ITGA11: variants seen among roughly 807,000 people sequenced by gnomAD.
ITGA11 encodes integrin alpha-11.
ITGA11 carries 97 observed loss-of-function variants against 141.9 expected under a neutral mutation model. The ratio of observed to expected loss-of-function variants is 0.68; its 90% CI spans 0.58 to 0.81. The LOEUF (loss-of-function observed/expected upper bound fraction) is 0.81. Among genes scored for constraint, ITGA11 ranks in the 30% least tolerant of loss-of-function variants. ITGA11 has a pLI of 0.00. For missense variants in ITGA11, 1,387 were observed against 1,559.2 expected (o/e 0.89, Z 1.86); for synonymous variants, 658 against 624.6 (o/e 1.05, Z -0.80).
intron 11 of ITGA11, 39 bp downstream of exon 11, chr15:68,339,461 C>G (rs971591337): frequency 1.3e-5 from 21 of 1,585,112 alleles, no homozygotes; most frequent in Non-Finnish European, 1.8e-5. Context: ...GCCCTCCCGG[C>G]CCACGACCCG....
chr15:68,353,307 T>A (rs566932868), intron 7 of ITGA11, among the ~76,000 whole-genome samples: 6 of 152,292 alleles, frequency 3.9e-5, no homozygotes, highest in Admixed American at 6.5e-5. Context: ...AAAAACCCAC[T>A]AATTTTAGTA....
intron 1 of ITGA11, among the ~76,000 whole-genome samples, chr15:68,408,891 T>C (rs555724505): frequency 6.6e-6 from 1 of 152,270 alleles, no homozygotes; most frequent in East Asian, 1.9e-4. Context: ...CTAGCACTCA[T>C]TCATAAGTGG....
intron 5 of ITGA11, among the ~76,000 whole-genome samples, chr15:68,359,563 T>C (rs1028123577): frequency 6.6e-6 from 1 of 152,150 alleles, no homozygotes; most frequent in African/African-American, 2.4e-5. Context: ...TGAGAATTGC[T>C]TGAACCCAGG....
Position 68,306,813 on chromosome 15 carries a change from C to G in ITGA11, c.3381+535G>C, listed in dbSNP as rs144582314. Among the ~76,000 whole-genome samples, 80 of 152,382 alleles carry G rather than the reference C, an allele frequency of 5.2e-4. 1 individual carries two copies. In the East Asian group the frequency reaches 0.013, roughly 25 times the overall value. ...TAGGAATGTTTGCCTGGAGCCCAAGCTGGCATTTCTGGGGTGTGGCCAGTG... is the reference window on the plus strand; with the variant it reads ...TAGGAATGTTTGCCTGGAGCCCAAGGTGGCATTTCTGGGGTGTGGCCAGTG... On this transcript the variant is annotated intron_variant, in intron 28 of 29. Coordinates refer to ENST00000315757, the MANE Select transcript of ITGA11 (RefSeq NM_001004439.2).
chr15:68,379,220 T>C (rs1336498659), intron 2 of ITGA11, among the ~76,000 whole-genome samples: 1 of 152,196 alleles, frequency 6.6e-6, no homozygotes, highest in East Asian at 1.9e-4. Context: ...CATCCCAAAC[T>C]CTCAGTCTAT....
At chr15:68,339,458 C>T (rs200973676) in intron 11 of ITGA11, 42 bp downstream of exon 11, 70 of 1,579,658 alleles carry the variant, frequency 4.4e-5, no homozygotes, top group South Asian at 3.3e-4. Flanking sequence ...GGTGCCCTCC[C>T]GGCCCACGAC....
At chr15:68,379,887 G>T (rs1332566451) in intron 2 of ITGA11, among the ~76,000 whole-genome samples, 1 of 152,196 alleles carries the variant, frequency 6.6e-6, no homozygotes, top group East Asian at 1.9e-4. Context: ...AGGTCTGACA[G>T]CTTCTCAGCC....
intron 4 of ITGA11, among the ~76,000 whole-genome samples, chr15:68,363,401 A>G (rs911537949): frequency 4.6e-5 from 7 of 152,198 alleles, no homozygotes; most frequent in African/African-American, 1.7e-4. Flanking sequence ...GGATAGGGCC[A>G]GGGGTCCTGC....
At chr15:68,425,120 G>C (rs1240460577) in intron 1 of ITGA11, among the ~76,000 whole-genome samples, 1 of 152,206 alleles carries the variant, frequency 6.6e-6, no homozygotes, top group Non-Finnish European at 1.5e-5. Context: ...CTGGTGAAAT[G>C]GACAGGCCAC....
At chr15:68,410,463 A>C (rs887077394) in intron 1 of ITGA11, among the ~76,000 whole-genome samples, 1 of 152,188 alleles carries the variant, frequency 6.6e-6, no homozygotes, top group Non-Finnish European at 1.5e-5. Context: ...GGAGAGGAGG[A>C]GGGAGAAAAG....
intron 15 of ITGA11, 27 bp downstream of exon 15, chr15:68,330,953 AG>A (rs765792703): frequency 1.9e-6 from 3 of 1,613,322 alleles, no homozygotes; most frequent in Non-Finnish European, 2.5e-6. Context: ...AGGAGAGCCC[AG>A]GAGGTGGGAA....
intron 1 of ITGA11, among the ~76,000 whole-genome samples, chr15:68,409,151 C>T (rs552085673): frequency 9.2e-5 from 14 of 152,120 alleles, no homozygotes; most frequent in Non-Finnish European, 1.8e-4. Context: ...GCCTTTCTTC[C>T]CTTCGTCCTA....
chr15:68,321,530 C>T lies in ITGA11; in HGVS notation c.2323-27G>A. The T allele has an allele frequency of 1.9e-6, 3 of 1,546,194 alleles. No individual in the cohort carries two copies. The South Asian group carries it at 3.5e-5, about 18-fold the overall frequency. On this transcript the variant is annotated intron_variant, in intron 18 of 29. Transcript: ENST00000315757. The surrounding 1 kb of genome is among the most constrained non-coding windows in gnomAD (Gnocchi z 4.9). The stretch of plus-strand genomic sequence containing the variant: ...TGGGCCAGGGAGAGCCAGGTGTGGG[C>T]AGCTGGGTAGGGACCCGCAGCCCCT...
At chr15:68,331,741 C>T (rs181124555) in intron 14 of ITGA11, 118 bp downstream of exon 14, 228 of 880,116 alleles carry the variant, frequency 2.6e-4, no homozygotes, top group Non-Finnish European at 3.3e-4. Flanking sequence ...GATTGGCATC[C>T]GTTTCTGTGA....
chr15:68,352,770 G>T (rs144807452), intron 7 of ITGA11, among the ~76,000 whole-genome samples: 24 of 152,216 alleles, frequency 1.6e-4, no homozygotes, highest in African/African-American at 5.5e-4. Context: ...CACCTATCAG[G>T]CAATCCAGCC....
chr15:68,428,921 C>T lies in ITGA11; in HGVS notation c.52+3094G>A, dbSNP rs145718877. Reference sequence around the variant, plus strand: ...ATCAAGAGTTTGGGCCAGGGCTTTGCGGGAGGGACTAGGAAAGTCTTCACT... The same window carrying T: ...ATCAAGAGTTTGGGCCAGGGCTTTGTGGGAGGGACTAGGAAAGTCTTCACT... On this transcript the variant is annotated intron_variant, in intron 1 of 29. Coordinates refer to ENST00000315757, the MANE Select transcript of ITGA11 (RefSeq NM_001004439.2). Among the ~76,000 whole-genome samples the T allele has an allele frequency of 4.3e-3, 653 of 152,304 alleles. 7 individuals carry two copies. The highest frequency in any genetic ancestry group is 0.016 in the South Asian group (78 of 4,824).
At position 68,351,184 on chromosome 15, in the gene ITGA11, C is replaced by G. The variant is rs115223668; in HGVS notation, c.894+74G>C. 1.7e-3 allele frequency: 2,669 copies of G among 1,532,044 alleles called. 22 individuals are homozygous for G. The African/African-American group carries it at 0.022, about 13-fold the overall frequency. 94.9% of individuals were successfully genotyped at this position (1,532,044 alleles called of 1,614,324 possible). On this transcript the variant is annotated intron_variant, in intron 8 of 29. Transcript: ENST00000315757. The stretch of plus-strand genomic sequence containing the variant: ...TTGTGATACTGCCTGGAACTAGTCC[C>G]TTGGAGTCCCCAGGGATTTGATGGT...
chr15:68,378,113 T>A (rs1333532445), intron 2 of ITGA11, among the ~76,000 whole-genome samples: 1 of 152,146 alleles, frequency 6.6e-6, no homozygotes, highest in Non-Finnish European at 1.5e-5. Context: ...GTCCCCCAAT[T>A]ATTGAGAGAG....
At chr15:68,398,110 A>G (rs1896367374) in intron 2 of ITGA11, among the ~76,000 whole-genome samples, 2 of 151,894 alleles carry the variant, frequency 1.3e-5, no homozygotes, top group African/African-American at 2.4e-5. Flanking sequence ...CAGCAAAAGA[A>G]CCAGCTAACA....
Sources: gnomAD v4.1 joint callset for allele counts (sites outside exome capture counted in the v4.1 genomes callset) on GRCh38, gnomAD v4.1.1 for gene constraint, Gnocchi (gnomAD v3.1) non-coding constraint, MANE v1.5 for transcripts, NCBI Gene and HGNC (gene_info 2026-07-23, HGNC 2026-07-21) for gene names.